CCNI: variants seen among roughly 807,000 people sequenced by gnomAD.
CCNI encodes the protein cyclin I.
Under a neutral mutation model 34.1 loss-of-function variants are expected in CCNI, and 14 were observed. The ratio of observed to expected loss-of-function variants is 0.41; its 90% CI spans 0.27 to 0.64. The LOEUF (loss-of-function observed/expected upper bound fraction) is 0.64. Among genes scored for constraint, CCNI ranks in the 30% least tolerant of loss-of-function variants. The pLI is 0.31. For missense variants in CCNI, 385 were observed against 440.5 expected (o/e 0.87, Z 1.13); for synonymous variants, 154 against 158.4 (o/e 0.97, Z 0.21).
chr4:77,055,418 A>G (rs759952548), intron 5 of CCNI, 38 bp from the exon 6 acceptor site: 9 of 1,354,426 alleles, frequency 6.6e-6, no homozygotes, highest in African/African-American at 2.9e-5. Flanking sequence ...CTTTATTTAA[A>G]TATCTGGGAA....
At position 77,056,586 on chromosome 4, in the gene CCNI, CTTTTTTTTT is replaced by C. The variant is rs35437385; in HGVS notation, c.244-272_244-264del. ...CAAGATCAAGTGTGTCTAGAGCTAA[CTTTTTTTTT>C]TTTTTTTTTTTTGAGACGGAGTCTT... On this transcript the variant is annotated intron_variant, in intron 3 of 6. Transcript: ENST00000237654. The C allele has an allele frequency of 1.3e-4, 21 of 161,440 alleles. No homozygotes were observed. In the South Asian group the frequency reaches 1.8e-3, roughly 13 times the overall value. 10.0% of individuals were successfully genotyped at this position (161,440 alleles called of 1,614,324 possible). A position where few individuals can be genotyped will look rare whatever the true frequency, so the allele number is the denominator to read the frequency against.
At chr4:77,055,423 T>C (rs202025446) in intron 5 of CCNI, 43 bp from the exon 6 acceptor site, 1 of 1,314,394 alleles carries the variant, frequency 7.6e-7, no homozygotes, top group East Asian at 2.4e-5. Context: ...TTTAAATATC[T>C]GGGAAATTAC....
intron 2 of CCNI, among the ~76,000 whole-genome samples, chr4:77,060,349 C>T (rs972572888): frequency 6.6e-6 from 1 of 152,198 alleles, no homozygotes; most frequent in Non-Finnish European, 1.5e-5. Flanking sequence ...CTACCCAATT[C>T]TCTAATAATG....
chr4:77,057,896 A>G (rs544282887), intron 3 of CCNI, among the ~76,000 whole-genome samples: 18 of 152,350 alleles, frequency 1.2e-4, no homozygotes, highest in Non-Finnish European at 2.4e-4. Flanking sequence ...ACCTCTGTAC[A>G]CCAATATGTT....
At chr4:77,075,077 T>A (rs1003449818) in intron 1 of CCNI, 1 of 151,876 alleles carries the variant, frequency 6.6e-6, no homozygotes, top group Admixed American at 6.6e-5. Context: ...ATCCTCCTGG[T>A]GTCCCCGGAG....
intron 1 of CCNI, among the ~76,000 whole-genome samples, chr4:77,067,667 G>T (rs796673928): frequency 0.066 from 9,145 of 137,696 alleles, 969 homozygotes; most frequent in African/African-American, 0.23. Flanking sequence ...ATTTTGTGGG[G>T]TTTTTTTTTT....
intron 3 of CCNI, 177 bp from the exon 4 acceptor site, chr4:77,056,500 C>A (rs1328029640): frequency 7.1e-6 from 4 of 561,428 alleles, no homozygotes; most frequent in Admixed American, 3.1e-5. Flanking sequence ...ACTTTAAGAA[C>A]AGGAAAGAAA....
chr4:77,069,391 A>C lies in CCNI; in HGVS notation c.-43-2986T>G, dbSNP rs144739758. Among the ~76,000 whole-genome samples the C allele has an allele frequency of 6.3e-3, 957 of 152,166 alleles. 15 individuals are homozygous for C. The highest frequency in any genetic ancestry group is 0.022 in the African/African-American group (909 of 41,516). On this transcript the variant is annotated intron_variant, in intron 1 of 6. Transcript: ENST00000237654. ...CAGAATGAGACCGTGTCTCCAAATAAAGAAATCCCTATGCAGTCACATCTG... is the reference window on the plus strand; with the variant it reads ...CAGAATGAGACCGTGTCTCCAAATACAGAAATCCCTATGCAGTCACATCTG...
Position 77,075,505 on chromosome 4 carries a change from G to C in CCNI, c.-77C>G. The C allele has an allele frequency of 1.0e-6, 1 of 955,600 alleles. No individual in the cohort carries two copies. The highest frequency in any genetic ancestry group is 1.2e-4 in the East Asian group (1 of 8,652). The allele number at this position is 955,600 out of a possible 1,614,324, so 59.2% of individuals were successfully genotyped here. Reference sequence around the variant, plus strand: ...CCTCTTCCTCCTCCTCCTCCTCCCCGGCAGAGCTGTAGGCCTCACAGTGGT... The same window carrying C: ...CCTCTTCCTCCTCCTCCTCCTCCCCCGCAGAGCTGTAGGCCTCACAGTGGT... On this transcript the variant is annotated 5_prime_UTR_variant, in exon 1 of 7. Transcript: ENST00000237654.
chr4:77,055,189 A>G lies in CCNI; in HGVS notation c.651T>C (p.Asp217=). Reference sequence around the variant, plus strand: ...GCAGTTCAATTGTAAGAGAAAGCCAATCAGGAATGAGTTTCTCCATTTCCA... The same window carrying G: ...GCAGTTCAATTGTAAGAGAAAGCCAGTCAGGAATGAGTTTCTCCATTTCCA... ...VSLEMEKLIP[D]WLSLTIELLQ... The change falls in exon 6 of 7, where the codon GAT becomes GAC. Residue 217 remains aspartate (D), a synonymous_variant. Coordinates refer to ENST00000237654, the MANE Select transcript of CCNI (RefSeq NM_006835.3). 1 of 1,613,974 alleles carries G rather than the reference A, an allele frequency of 6.2e-7. No homozygotes were observed. The highest frequency in any genetic ancestry group is 1.1e-5 in the South Asian group (1 of 91,082).
intron 1 of CCNI, among the ~76,000 whole-genome samples, chr4:77,070,156 TACAGGC>T (rs1729351098): frequency 6.6e-6 from 1 of 151,934 alleles, no homozygotes; most frequent in Admixed American, 6.6e-5. Flanking sequence ...TAGCTGGGAT[TACAGGC>T]ACACACCACC....
At chr4:77,051,286 A>G in intron 6 of CCNI, among the ~76,000 whole-genome samples, 1 of 152,202 alleles carries the variant, frequency 6.6e-6, no homozygotes, top group East Asian at 1.9e-4. Flanking sequence ...AATGATATTT[A>G]TTGGCCTAAA....
At chr4:77,052,940 T>G (rs2110010823) in intron 6 of CCNI, among the ~76,000 whole-genome samples, 2 of 152,168 alleles carry the variant, frequency 1.3e-5, no homozygotes, top group East Asian at 3.8e-4. Flanking sequence ...TTCCTTTTCT[T>G]CACTAACTTC....
chr4:77,073,603 G>C (rs1641836981), intron 1 of CCNI, among the ~76,000 whole-genome samples: 1 of 152,134 alleles, frequency 6.6e-6, no homozygotes, highest in South Asian at 2.1e-4. Flanking sequence ...GCAATTCCAA[G>C]TGTATGCTCT....
chr4:77,065,558 C>T lies in CCNI; in HGVS notation c.114+691G>A, dbSNP rs556761025. ...TTAGTAATTCACATGAACTCCTTAC[C>T]GCTAATGATGAAAGAGTAGGTTTTT... On this transcript the variant is annotated intron_variant, in intron 2 of 6. Transcript: ENST00000237654. Among the ~76,000 whole-genome samples the T allele has an allele frequency of 8.5e-4, 130 of 152,256 alleles. 3 individuals carry two copies. The highest frequency in any genetic ancestry group is 3.4e-3 in the Middle Eastern group (1 of 294).
At chr4:77,059,227 CATT>C (rs1387734744) in intron 2 of CCNI, among the ~76,000 whole-genome samples, 2 of 151,732 alleles carry the variant, frequency 1.3e-5, no homozygotes, top group East Asian at 1.9e-4. Flanking sequence ...AAACACAAAA[CATT>C]ATTGTTTTAT....
At position 77,075,639 on chromosome 4, in the gene CCNI, CG is replaced by C. The variant is rs1178537723; in HGVS notation, c.-212del. The C allele has an allele frequency of 1.7e-5, 15 of 882,562 alleles. No homozygotes were observed. The East Asian group carries it at 1.4e-3, about 82-fold the overall frequency. The allele number at this position is 882,562 out of a possible 1,614,324, so 54.7% of individuals were successfully genotyped here. A position where few individuals can be genotyped will look rare whatever the true frequency, so the allele number is the denominator to read the frequency against. ...GAGGAGGGAGAAAGGGGAAGCGGAT[CG>C]GGGGGCGCGGGCGCGGGCGCTGGCG... On this transcript the variant is annotated 5_prime_UTR_variant, in exon 1 of 7. Coordinates refer to ENST00000237654, the MANE Select transcript of CCNI (RefSeq NM_006835.3).
Position 77,048,370 on chromosome 4 carries a change from A to G in CCNI, c.983T>C (p.Met328Thr), listed in dbSNP as rs754850688. 1.2e-6 allele frequency: 2 copies of G among 1,614,096 alleles called. No individual in the cohort carries two copies. Among genetic ancestry groups the G allele is most frequent in the Non-Finnish European group, 1.7e-6 (2 of 1,180,012 alleles). The change falls in exon 7 of 7, where the codon ATG becomes ACG. Residue 328 changes from methionine to threonine, a missense_variant. Met to Thr is a moderately conservative substitution (Grantham distance 81, BLOSUM62 -1). This residue lies in a region of CCNI where 250 missense variants were observed against 248.7 expected (regional missense o/e 1.01). Transcript: ENST00000237654. ...QTSTKRKVEE[M>T]EVDDFYDGIK... ...TCCATCATAGAAGTCATCCACTTCC[A>G]TTTCCTCTACTTTGCGTTTAGTAGA...
intron 2 of CCNI, among the ~76,000 whole-genome samples, chr4:77,061,905 G>C (rs1322208276): frequency 1.3e-5 from 2 of 152,126 alleles, no homozygotes; most frequent in Non-Finnish European, 2.9e-5. Flanking sequence ...TCCTGACCTT[G>C]TGATCCACCC....
Sources: allele counts gnomAD v4.1 joint callset (sites outside exome capture counted in the v4.1 genomes callset), GRCh38; gene constraint gnomAD v4.1.1; regional missense constraint gnomAD v4.1.1; transcripts MANE v1.5; gene names NCBI Gene and HGNC (gene_info 2026-07-23, HGNC 2026-07-21).